The following ATP8B3 variants were observed in gnomAD, a reference collection of about 807,000 sequenced individuals.
ATP8B3 encodes phospholipid-transporting ATPase IK.
Under a neutral mutation model 140.9 loss-of-function variants are expected in ATP8B3, and 141 were observed. The ratio of observed to expected loss-of-function variants is 1.00; its 90% confidence interval spans 0.87 to 1.15. ATP8B3 has a LOEUF of 1.15. Ranked by LOEUF, ATP8B3 falls within the 50% of genes most tolerant of loss-of-function variation. The pLI, the probability that ATP8B3 is intolerant of heterozygous loss-of-function variation, is 0.00. For missense variants in ATP8B3, 1,874 were observed against 1,740.6 expected (o/e 1.08, Z -1.36); for synonymous variants, 765 against 714.6 (o/e 1.07, Z -1.13).
intron 22 of ATP8B3, 79 bp downstream of exon 22, chr19:1,789,811 G>C (rs1482111073): frequency 1.9e-6 from 3 of 1,582,654 alleles, no homozygotes; most frequent in South Asian, 2.3e-5. Flanking sequence ...CTCGCCAGCA[G>C]TCCCCACCCC....
chr19:1,785,780 G>A (rs539537000), intron 25 of ATP8B3, 72 bp from the exon 26 acceptor site: 35 of 1,480,612 alleles, frequency 2.4e-5, no homozygotes, highest in Non-Finnish European at 2.9e-5. Flanking sequence ...GGATCTCCTC[G>A]GGCAGGCCAG....
Position 1,794,475 on chromosome 19 carries a change from C to T in ATP8B3, c.2055+1400G>A, listed in dbSNP as rs1330546669. Among the ~76,000 whole-genome samples, 2 of 151,996 alleles carry T rather than the reference C, an allele frequency of 1.3e-5. No individual in the cohort carries two copies. Among genetic ancestry groups the T allele is most frequent in the Non-Finnish European group, 2.9e-5 (2 of 67,976 alleles). On this transcript the variant is annotated intron_variant, in intron 18 of 28. Transcript: ENST00000310127. This position sits in a 1 kb window ranked among gnomAD's most constrained non-coding sequence, Gnocchi z 4.8. The stretch of plus-strand genomic sequence containing the variant: ...CCCCGCTGCCCTGTGCTCCATGCTG[C>T]TGGGGCCCCAGCAGAACCTGTGAGG...
Position 1,800,401 on chromosome 19 carries a change from C to T in ATP8B3, c.1201G>A (p.Gly401Ser), listed in dbSNP as rs745619434. ...LVCLVLAFGF[G>S]FSVKEFKDHH... ...TCTTTGAATTCTTTGACTGAGAAAC[C>T]GAAGCCGAAGGCCAACACCAGGCAG... The change falls in exon 13 of 29, where the codon GGT becomes AGT. Residue 401 changes from glycine (G) to serine (S), a missense_variant. Around this residue, in one of 3 missense-constraint regions of ATP8B3, gnomAD observed 1,032 missense variants for 963.6 expected, o/e 1.07. Transcript: ENST00000310127. This position sits in a 1 kb window ranked among gnomAD's most constrained non-coding sequence, Gnocchi z 4.4. 25 of 1,612,400 alleles carry T rather than the reference C, an allele frequency of 1.6e-5. No homozygotes were observed. Among genetic ancestry groups the T allele is most frequent in the Middle Eastern group, 1.6e-4 (1 of 6,082 alleles).
chr19:1,795,920 C>T lies in ATP8B3; in HGVS notation c.2010G>A (p.Leu670=). 6.2e-7 allele frequency: 1 copy of T among 1,613,140 alleles called. No homozygotes were observed. Among genetic ancestry groups the T allele is most frequent in the South Asian group, 1.1e-5 (1 of 91,076 alleles). The change falls in exon 18 of 29, where the codon TTG becomes TTA. Residue 670 remains leucine (L), a synonymous_variant. Coordinates refer to ENST00000310127, the MANE Select transcript of ATP8B3 (RefSeq NM_138813.4). ...CAAATTCCATTGCCCCCCTCCTGTGCAAGCGTTCGAAGATGACCGTGTCGG... is the reference window on the plus strand; with the variant it reads ...CAAATTCCATTGCCCCCCTCCTGTGTAAGCGTTCGAAGATGACCGTGTCGG... The part of the protein sequence containing the change: ...KGADTVIFER[L]HRRGAMEFAT...
intron 14 of ATP8B3, among the ~76,000 whole-genome samples, 166 bp from the exon 15 acceptor site, chr19:1,797,171 G>A (rs956757361): frequency 2.6e-5 from 4 of 152,210 alleles, no homozygotes; most frequent in African/African-American, 9.6e-5. Context: ...GGCGAAAGCT[G>A]ACCTCAGTTT....
At chr19:1,809,333 TAGTC>T (rs2069119553) in intron 4 of ATP8B3, among the ~76,000 whole-genome samples, 1 of 150,368 alleles carries the variant, frequency 6.7e-6, no homozygotes, top group Non-Finnish European at 1.5e-5. Flanking sequence ...ATACAAAAAT[TAGTC>T]AGGCGTGGTG....
rs2068669380 is a variant in ATP8B3, at chr19:1,796,227, C to A, written c.1792G>T (p.Ala598Ser). 6.2e-7 allele frequency: 1 copy of A among 1,612,424 alleles called. No individual in the cohort carries two copies. Among genetic ancestry groups the A allele is most frequent in the Non-Finnish European group, 8.5e-7 (1 of 1,179,814 alleles). The change falls in exon 17 of 29, where the codon GCG becomes TCG. Residue 598 changes from alanine to serine, a missense_variant. Physicochemically the swap from Ala to Ser is moderately conservative, Grantham distance 99 (BLOSUM62 1). Around this residue, in one of 3 missense-constraint regions of ATP8B3, gnomAD observed 1,032 missense variants for 963.6 expected, o/e 1.07. Coordinates refer to ENST00000310127, the MANE Select transcript of ATP8B3 (RefSeq NM_138813.4). ...LYQAASPDEG[A>S]LVTAARNFGY... ...AAGTTCCGGGCTGCGGTGACCAGCG[C>A]CCCCTCGTCGGGGGAGGCCGCCTGG... is the stretch of plus-strand genomic sequence containing the variant.
chr19:1,784,071 G>A (rs2068232909), intron 28 of ATP8B3, among the ~76,000 whole-genome samples: 1 of 152,152 alleles, frequency 6.6e-6, no homozygotes, highest in African/African-American at 2.4e-5. Context: ...CACGGCTCAG[G>A]CGTGTTTCAT....
chr19:1,806,906 G>A lies in ATP8B3; in HGVS notation c.616-217C>T, dbSNP rs889220398. ...AGACAGGCGTGCTGCCCACCACCTA[G>A]AGTGCCTGCCAGACCACCCCCCACC... On this transcript the variant is annotated intron_variant, in intron 6 of 28. Coordinates refer to ENST00000310127, the MANE Select transcript of ATP8B3 (RefSeq NM_138813.4). The surrounding 1 kb of genome is among the most constrained non-coding windows in gnomAD (Gnocchi z 5.6). 1.3e-5 allele frequency among the ~76,000 whole-genome samples: 2 copies of A among 152,058 alleles called. No individual in the cohort carries two copies. The highest frequency in any genetic ancestry group is 4.8e-5 in the African/African-American group (2 of 41,396).
Position 1,794,380 on chromosome 19 carries a change from C to A in ATP8B3, c.2055+1495G>T, listed in dbSNP as rs1054930722. 6.6e-6 allele frequency among the ~76,000 whole-genome samples: 1 copy of A among 152,116 alleles called. No individual in the cohort carries two copies. ...CCTGGGCTCTAGGTCATTATTGTGACCGCACTTCCAGTTCAGAGTGCCCCC... is the reference window on the plus strand; with the variant it reads ...CCTGGGCTCTAGGTCATTATTGTGAACGCACTTCCAGTTCAGAGTGCCCCC... On this transcript the variant is annotated intron_variant, in intron 18 of 28. Coordinates refer to ENST00000310127, the MANE Select transcript of ATP8B3 (RefSeq NM_138813.4). The surrounding 1 kb of genome is among the most constrained non-coding windows in gnomAD (Gnocchi z 4.8).
chr19:1,807,211 C>T lies in ATP8B3; in HGVS notation c.572G>A (p.Cys191Tyr). 1.2e-6 allele frequency: 2 copies of T among 1,612,952 alleles called. No homozygotes were observed. Among genetic ancestry groups the T allele is most frequent in the South Asian group, 1.1e-5 (1 of 91,076 alleles). ...PWFSLSTPMV[C>Y]LLFIRATRDL... is the part of the protein sequence containing the mutation. ...CCGGGTGGCACGGATGAAGAGGAGG[C>T]AGACCATAGGGGTACTGAGCGAGAA... The change falls in exon 6 of 29, where the codon TGC becomes TAC. Residue 191 changes from cysteine to tyrosine, a missense_variant. This residue lies in a region of ATP8B3 where 1,032 missense variants were observed against 963.6 expected (regional missense o/e 1.07). Coordinates refer to ENST00000310127, the MANE Select transcript of ATP8B3 (RefSeq NM_138813.4). The surrounding 1 kb of genome is among the most constrained non-coding windows in gnomAD (Gnocchi z 5.9).
rs764729371 is a variant in ATP8B3 at position 1,811,767 on chromosome 19, C to T, written c.-31G>A. On this transcript the variant is annotated 5_prime_UTR_variant, in exon 2 of 29. Transcript: ENST00000310127. ...GCATGAGGAAAAGGGAGGTTCAGGG[C>T]GAAGAGGGGTTTAGGCTGTGGGACG... is the stretch of plus-strand genomic sequence containing the variant. 2.6e-6 allele frequency: 4 copies of T among 1,553,446 alleles called. No homozygotes were observed. Among genetic ancestry groups the T allele is most frequent in the East Asian group, 4.5e-5 (2 of 44,366 alleles).
rs559603358 is a variant in ATP8B3 at position 1,795,689 on chromosome 19, C to A, written c.2055+186G>T. Reference sequence around the variant, plus strand: ...CCGGGGGAGGGTGTTTTGTACAGTGCACAACATACCTCACTGTACATAGCC... The same window carrying A: ...CCGGGGGAGGGTGTTTTGTACAGTGAACAACATACCTCACTGTACATAGCC... On this transcript the variant is annotated intron_variant, in intron 18 of 28. Transcript: ENST00000310127. Among the ~76,000 whole-genome samples, 13 of 151,616 alleles carry A rather than the reference C, an allele frequency of 8.6e-5. No individual in the cohort carries two copies. In the East Asian group the frequency reaches 2.5e-3, roughly 29 times the overall value.
At position 1,783,209 on chromosome 19, in the gene ATP8B3, A is replaced by G. The variant is rs756055290; in HGVS notation, c.3722T>C (p.Val1241Ala). 3 of 1,612,528 alleles carry G rather than the reference A, an allele frequency of 1.9e-6. No individual in the cohort carries two copies. Among genetic ancestry groups the G allele is most frequent in the Non-Finnish European group, 2.5e-6 (3 of 1,179,342 alleles). Reference sequence around the variant, plus strand: ...ACGGCGGGCACGAGACTCCCGGTGTACATGAGGCAAGGGCTCCATGGTGAA... The same window carrying G: ...ACGGCGGGCACGAGACTCCCGGTGTGCATGAGGCAAGGGCTCCATGGTGAA... ...EIFTMEPLPH[V>A]HRESRARRSS... Residue 1241 changes from valine to alanine, a missense_variant, in exon 29 of 29, where the codon GTA (valine) becomes GCA (alanine). Around this residue, in one of 3 missense-constraint regions of ATP8B3, gnomAD observed 840 missense variants for 760.9 expected, o/e 1.10. Transcript: ENST00000310127.
rs919306345 is a variant in ATP8B3 at position 1,812,201 on chromosome 19, AG to A, written c.-165del. Reference sequence around the variant, plus strand: ...CGCCGCTCACCGGCGCAGGAGAGGCAGGGGGGGGCAGGCCGCGGGCGTCCAG... The same window carrying A: ...CGCCGCTCACCGGCGCAGGAGAGGCAGGGGGGGCAGGCCGCGGGCGTCCAG... On this transcript the variant is annotated 5_prime_UTR_variant, in exon 1 of 29. Coordinates refer to ENST00000310127, the MANE Select transcript of ATP8B3 (RefSeq NM_138813.4). The A allele has an allele frequency of 2.7e-4, 41 of 153,428 alleles. No individual in the cohort carries two copies. Among genetic ancestry groups the A allele is most frequent in the Non-Finnish European group, 3.4e-4 (24 of 70,146 alleles). 9.5% of individuals were successfully genotyped at this position (153,428 alleles called of 1,614,324 possible).
At chr19:1,784,729 G>C (rs1393839604) in intron 28 of ATP8B3, 90 bp downstream of exon 28, 8 of 1,442,378 alleles carry the variant, frequency 5.5e-6, no homozygotes, top group Non-Finnish European at 7.4e-6. Flanking sequence ...GAGGGGCCGG[G>C]ACACCTTGCA....
chr19:1,785,030 G>A, intron 27 of ATP8B3, 84 bp from the exon 28 acceptor site: 1 of 1,520,382 alleles, frequency 6.6e-7, no homozygotes, highest in Admixed American at 2.2e-5. Flanking sequence ...GTGCCTTTGT[G>A]CCTGGTCCAT....
At position 1,797,011 on chromosome 19, in the gene ATP8B3, GA is replaced by G; in HGVS notation, c.1553-7del. On this transcript the variant is annotated splice_region_variant and splice_polypyrimidine_tract_variant and intron_variant, in intron 14 of 28. Transcript: ENST00000310127. ...CGTGGCCTCTGAATCCGGCCCTGGG[GA>G]AAGACACAGCTTCCTGCTTCAGCTC... is the stretch of plus-strand genomic sequence containing the variant. The G allele has an allele frequency of 6.2e-7, 1 of 1,613,096 alleles. No homozygotes were observed.
At chr19:1,784,601 C>T (rs1568613751) in intron 28 of ATP8B3, among the ~76,000 whole-genome samples, 1 of 152,224 alleles carries the variant, frequency 6.6e-6, no homozygotes, top group Non-Finnish European at 1.5e-5. Flanking sequence ...GTGCTCTCTG[C>T]TGCTTTGTCG....
Sources: gnomAD v4.1 joint callset for allele counts (sites outside exome capture counted in the v4.1 genomes callset) on GRCh38, gnomAD v4.1.1 for gene constraint, gnomAD v4.1.1 regional missense constraint, Gnocchi (gnomAD v3.1) non-coding constraint, MANE v1.5 for transcripts, NCBI Gene and HGNC (gene_info 2026-07-23, HGNC 2026-07-21) for gene names.